The following MEGF8 variants were observed in gnomAD, a reference collection of about 807,000 sequenced individuals.
The protein encoded by MEGF8 is multiple epidermal growth factor-like domains protein 8.
Under a neutral mutation model 302.9 loss-of-function variants are expected in MEGF8, and 156 were observed. The observed-to-expected ratio is 0.52, with a 90% CI of 0.45 to 0.59. MEGF8 has a LOEUF of 0.59. Ranked by LOEUF, MEGF8 falls within the 20% of genes least tolerant of loss-of-function variation. The probability of loss-of-function intolerance (pLI) is 0.00; values close to 1 mark genes in which losing one functional copy is unlikely to be tolerated. For missense variants in MEGF8, 3,345 were observed against 3,964.5 expected, an observed-to-expected ratio of 0.84 and a Z score of 4.20; for synonymous variants, 1,621 against 1,660.5, an observed-to-expected ratio of 0.98 and a Z score of 0.58.
chr19:42,361,611 A>G (rs1434163029), intron 32 of MEGF8, among the ~76,000 whole-genome samples: 1 of 152,206 alleles, frequency 6.6e-6, no homozygotes, highest in Non-Finnish European at 1.5e-5. Flanking sequence ...TCTAAAATCC[A>G]GAACAGTCTG....
At position 42,368,646 on chromosome 19, in the gene MEGF8, C is replaced by T. The variant is rs1247319095; in HGVS notation, c.6465C>T (p.Leu2155=). 6.5e-7 allele frequency: 1 copy of T among 1,549,926 alleles called. No homozygotes were observed. Among genetic ancestry groups the T allele is most frequent in the East Asian group, 2.3e-5 (1 of 42,890 alleles). The change falls in exon 36 of 42, where the codon CTC becomes CTT. Residue 2155 remains leucine, a synonymous_variant. Transcript: ENST00000251268. This position sits in a 1 kb window ranked among gnomAD's most constrained non-coding sequence, Gnocchi z 4.9. ...GTGGCCGCTGCATGGAGGGTGGACTCAGCGGCCCCCGTGATGGTGAGAGGG... is the reference window on the plus strand; with the variant it reads ...GTGGCCGCTGCATGGAGGGTGGACTTAGCGGCCCCCGTGATGGTGAGAGGG... ...DGGGRCMEGG[L]SGPRDGLTCG... is the part of the protein sequence containing the mutation.
At chr19:42,350,466 G>A in intron 15 of MEGF8, 82 bp downstream of exon 15, 1 of 1,275,908 alleles carries the variant, frequency 7.8e-7, no homozygotes, top group Non-Finnish European at 1.0e-6. Flanking sequence ...CCCCTGGTGG[G>A]GGGTGTGGGG....
intron 1 of MEGF8, 26 bp from the exon 2 acceptor site, chr19:42,333,579 T>G: frequency 6.2e-7 from 1 of 1,606,186 alleles, no homozygotes; most frequent in Non-Finnish European, 8.5e-7. Flanking sequence ...GCTTTAGAGC[T>G]TGGTCCCTCT....
intron 7 of MEGF8, 65 bp from the exon 8 acceptor site, chr19:42,337,019 C>T: frequency 6.2e-7 from 1 of 1,613,022 alleles, no homozygotes; most frequent in East Asian, 2.2e-5. Context: ...AGCTGAGGCT[C>T]CCTGCAGGGG....
At position 42,359,199 on chromosome 19, in the gene MEGF8, C is replaced by G. The variant is rs1327025493; in HGVS notation, c.5445C>G (p.Leu1815=). The G allele has an allele frequency of 1.2e-6, 2 of 1,601,048 alleles. No homozygotes were observed. Among genetic ancestry groups the G allele is most frequent in the East Asian group, 2.2e-5 (1 of 44,560 alleles). The change falls in exon 31 of 42, where the codon CTC becomes CTG. Residue 1815 remains leucine, a synonymous_variant. Coordinates refer to ENST00000251268, the MANE Select transcript of MEGF8 (RefSeq NM_001271938.2). ...DPDEFSSDVL[L]YQVNCNAWLL... ...ACGAGTTCAGCAGCGACGTTCTGCT[C>G]TACCAGGTCAACTGCAATGCCTGGC...
rs757715325 is a variant in MEGF8 at position 42,351,539 on chromosome 19, G to C, written c.2966G>C (p.Gly989Ala). The C allele has an allele frequency of 1.2e-5, 19 of 1,609,286 alleles. No individual in the cohort carries two copies. Among genetic ancestry groups the C allele is most frequent in the African/African-American group, 2.7e-5 (2 of 74,960 alleles). Residue 989 changes from glycine (G) to alanine (A), a missense_variant, in exon 17 of 42, where the codon GGC becomes GCC. By Grantham distance (60) the Gly-to-Ala change is moderately conservative. Transcript: ENST00000251268. The surrounding 1 kb of genome is among the most constrained non-coding windows in gnomAD (Gnocchi z 5.6). ...TACTTGGCCCGGTACCCACACGGGG[G>C]CTGTCGAGGCTGGGACGACAGGTAT... ...AAYLARYPHG[G>A]CRGWDDSVHS...
At chr19:42,333,851 C>A in intron 2 of MEGF8, 83 bp downstream of exon 2, 1 of 1,564,864 alleles carries the variant, frequency 6.4e-7, no homozygotes. Context: ...AGAGGGCATC[C>A]AAGAGCAGAG....
chr19:42,340,818 C>T (rs2039201520), intron 8 of MEGF8, among the ~76,000 whole-genome samples: 1 of 152,042 alleles, frequency 6.6e-6, no homozygotes, highest in South Asian at 2.1e-4. Flanking sequence ...TAGATGTGCA[C>T]CACCACTCCT....
chr19:42,360,103 TA>T (rs983801406), intron 31 of MEGF8, among the ~76,000 whole-genome samples: 1 of 144,664 alleles, frequency 6.9e-6, no homozygotes, highest in Non-Finnish European at 1.5e-5. Context: ...TTAACCATCT[TA>T]AAAATACATT....
At chr19:42,333,827 A>G in intron 2 of MEGF8, 59 bp downstream of exon 2, 1 of 1,593,744 alleles carries the variant, frequency 6.3e-7, no homozygotes. Context: ...GAAAGGAGGG[A>G]CAGAGAGTCA....
chr19:42,351,886 ACT>A lies in MEGF8; in HGVS notation c.3101+126_3101+127del. The stretch of plus-strand genomic sequence containing the variant: ...CCCATGGCCACCTTCCCTTTTCCGT[ACT>A]GTTTTTCTGTTGTTTATTTTACCCT... On this transcript the variant is annotated intron_variant, in intron 18 of 41. Coordinates refer to ENST00000251268, the MANE Select transcript of MEGF8 (RefSeq NM_001271938.2). This position sits in a 1 kb window ranked among gnomAD's most constrained non-coding sequence, Gnocchi z 5.6. 1 of 819,962 alleles carries A rather than the reference ACT, an allele frequency of 1.2e-6. No homozygotes were observed. Among genetic ancestry groups the A allele is most frequent in the Non-Finnish European group, 1.9e-6 (1 of 514,916 alleles). The allele number at this position is 819,962 out of a possible 1,614,324, so 50.8% of individuals were successfully genotyped here. A position where few individuals can be genotyped will look rare whatever the true frequency, so the allele number is the denominator to read the frequency against.
Position 42,354,042 on chromosome 19 carries a change from G to A in MEGF8, c.4011+18G>A, listed in dbSNP as rs1376152642. 1.0e-5 allele frequency: 16 copies of A among 1,580,546 alleles called. No individual in the cohort carries two copies. The East Asian group carries it at 1.4e-4, about 14-fold the overall frequency. On this transcript the variant is annotated intron_variant, in intron 22 of 41. Coordinates refer to ENST00000251268, the MANE Select transcript of MEGF8 (RefSeq NM_001271938.2). This position sits in a 1 kb window ranked among gnomAD's most constrained non-coding sequence, Gnocchi z 4.3. Reference sequence around the variant, plus strand: ...CCTGCACGGTGAGCACTGAGGAAACGAGGGTTCAGGCGCATGAGCCAGAAC... The same window carrying A: ...CCTGCACGGTGAGCACTGAGGAAACAAGGGTTCAGGCGCATGAGCCAGAAC...
At position 42,375,502 on chromosome 19, in the gene MEGF8, C is replaced by A; in HGVS notation, c.7270-5C>A. The A allele has an allele frequency of 6.4e-7, 1 of 1,571,644 alleles. No homozygotes were observed. Among genetic ancestry groups the A allele is most frequent in the Non-Finnish European group, 8.6e-7 (1 of 1,159,596 alleles). On this transcript the variant is annotated splice_polypyrimidine_tract_variant and splice_region_variant and intron_variant, in intron 41 of 41. Coordinates refer to ENST00000251268, the MANE Select transcript of MEGF8 (RefSeq NM_001271938.2). The surrounding 1 kb of genome is among the most constrained non-coding windows in gnomAD (Gnocchi z 7.1). ...GATGGTCACCGCCTCTAACCCTGCC[C>A]GCAGTGCGCCAAGTGCCGGGAATCA...
At position 42,343,519 on chromosome 19, in the gene MEGF8, C is replaced by T. The variant is rs972539405; in HGVS notation, c.1556C>T (p.Ala519Val). 11 of 1,613,072 alleles carry T rather than the reference C, an allele frequency of 6.8e-6. No homozygotes were observed. Among genetic ancestry groups the T allele is most frequent in the Non-Finnish European group, 8.5e-6 (10 of 1,179,500 alleles). The change falls in exon 9 of 42, where the codon GCG (alanine) becomes GTG (valine). Residue 519 changes from alanine to valine, a missense_variant. Ala to Val is a moderately conservative substitution (Grantham distance 64). Transcript: ENST00000251268. The stretch of plus-strand genomic sequence containing the variant: ...AGTGGTCGGTACTCACATGTAGCTG[C>T]GGTGCTTGGTGGCAGCGTCCTGTTG... ...PPSGRYSHVA[A>V]VLGGSVLLVA...
intron 41 of MEGF8, 126 bp downstream of exon 41, chr19:42,371,608 G>T: frequency 7.5e-7 from 1 of 1,341,614 alleles, no homozygotes; most frequent in African/African-American, 1.4e-5. Context: ...TTGGGATCAA[G>T]TGCAGCTTGA....
intron 40 of MEGF8, among the ~76,000 whole-genome samples, 171 bp downstream of exon 40, chr19:42,371,002 A>AGCT (rs1450640709): frequency 1.3e-5 from 2 of 151,212 alleles, no homozygotes; most frequent in African/African-American, 4.9e-5. Flanking sequence ...GTAGGGAAGG[A>AGCT]GCTGGAATGT....
rs554314937 is a variant in MEGF8 at position 42,368,441 on chromosome 19, T to C, written c.6274-14T>C. On this transcript the variant is annotated splice_polypyrimidine_tract_variant and intron_variant, in intron 35 of 41. Transcript: ENST00000251268. This position sits in a 1 kb window ranked among gnomAD's most constrained non-coding sequence, Gnocchi z 4.9. ...CTCTCTTCCCTGCATCCCCATCCCC[T>C]CCCCCCCATACAGTGTCTGAGCCCT... 4 of 1,170,294 alleles carry C rather than the reference T, an allele frequency of 3.4e-6. No homozygotes were observed. Among genetic ancestry groups the C allele is most frequent in the South Asian group, 1.3e-5 (1 of 79,124 alleles). 72.5% of individuals were successfully genotyped at this position (1,170,294 alleles called of 1,614,324 possible). A position where few individuals can be genotyped will look rare whatever the true frequency, so the allele number is the denominator to read the frequency against.
chr19:42,344,191 G>C lies in MEGF8; in HGVS notation c.1788+118G>C, dbSNP rs374929355. On this transcript the variant is annotated intron_variant, in intron 10 of 41. Transcript: ENST00000251268. The surrounding 1 kb of genome is among the most constrained non-coding windows in gnomAD (Gnocchi z 4.5). ...CAACTGGGAGACTTGTTTTCATGCC[G>C]GAGATCCTCCTTCCTGATTCCTGAC... 1.2e-4 allele frequency: 164 copies of C among 1,393,276 alleles called. 1 individual carries two copies. The South Asian group carries it at 2.2e-3, about 19-fold the overall frequency. The allele number at this position is 1,393,276 out of a possible 1,614,324, so 86.3% of individuals were successfully genotyped here. A position where few individuals can be genotyped will look rare whatever the true frequency, so the allele number is the denominator to read the frequency against.
intron 35 of MEGF8, among the ~76,000 whole-genome samples, chr19:42,366,240 G>A (rs1018859015): frequency 6.6e-5 from 10 of 152,052 alleles, no homozygotes; most frequent in African/African-American, 1.4e-4. Flanking sequence ...TCGCTCTGTC[G>A]CCCAGGCTGT....
Sources: gnomAD v4.1 joint callset for allele counts (sites outside exome capture counted in the v4.1 genomes callset) on GRCh38, gnomAD v4.1.1 for gene constraint, Gnocchi (gnomAD v3.1) non-coding constraint, MANE v1.5 for transcripts, NCBI Gene and HGNC (gene_info 2026-07-23, HGNC 2026-07-21) for gene names.